SAP130: variants seen among roughly 807,000 people sequenced by gnomAD.
SAP130 encodes the protein histone deacetylase complex subunit SAP130.
A neutral mutation model predicts 103.2 loss-of-function variants in SAP130; 16 were observed. The observed-to-expected ratio is 0.16, with a 90% confidence interval of 0.10 to 0.24. SAP130 has a LOEUF of 0.24. Among genes scored for constraint, SAP130 ranks in the 10% least tolerant of loss-of-function variants. The probability of loss-of-function intolerance (pLI) is 1.00; values close to 1 mark genes in which losing one functional copy is unlikely to be tolerated. For synonymous variants in SAP130, 477 were observed against 497.0 expected (o/e 0.96, Z 0.53); for missense variants, 990 against 1,359.7 (o/e 0.73, Z 4.28).
intron 13 of SAP130, among the ~76,000 whole-genome samples, 155 bp from the exon 14 acceptor site, chr2:127,987,117 C>T (rs897542032): frequency 7.2e-5 from 11 of 152,180 alleles, no homozygotes; most frequent in African/African-American, 1.7e-4. Context: ...AATGTTCATC[C>T]GACAAAGAGC....
At chr2:127,970,700 A>G (rs1256339923) in intron 15 of SAP130, among the ~76,000 whole-genome samples, 1 of 151,870 alleles carries the variant, frequency 6.6e-6, no homozygotes, top group Non-Finnish European at 1.5e-5. Context: ...GTCTCCAAAC[A>G]AAACAAAACA....
At chr2:128,008,013 A>C (rs1573815222) in intron 7 of SAP130, among the ~76,000 whole-genome samples, 1 of 152,214 alleles carries the variant, frequency 6.6e-6, no homozygotes, top group East Asian at 1.9e-4. Flanking sequence ...ACAAGTAAGG[A>C]GGAAATCAAA....
intron 19 of SAP130, among the ~76,000 whole-genome samples, chr2:127,944,958 C>T (rs185471959): frequency 4.9e-4 from 73 of 150,368 alleles, no homozygotes; most frequent in Non-Finnish European, 9.0e-4. Flanking sequence ...GCCCCGGTCT[C>T]TGAATGATGA....
chr2:127,945,704 G>A, intron 18 of SAP130, 145 bp from the exon 19 acceptor site: 1 of 610,280 alleles, frequency 1.6e-6, no homozygotes, highest in East Asian at 2.8e-5. Context: ...CCAGGCTGAA[G>A]TGCAGTGGTA....
In SAP130 at chr2:127,942,944, C is replaced by T. The variant is rs550587714; in HGVS notation, c.2902-407G>A. ...CAGAGGTTGCAGTGAGCTGAGATCC[C>T]GCCATTGCACTCCAGCCTGGGCAAC... On this transcript the variant is annotated intron_variant, in intron 19 of 20. Transcript: ENST00000643581. The surrounding 1 kb of genome is among the most constrained non-coding windows in gnomAD (Gnocchi z 4.8). Among the ~76,000 whole-genome samples the T allele has an allele frequency of 2.0e-5, 3 of 152,100 alleles. No individual in the cohort carries two copies. Among genetic ancestry groups the T allele is most frequent in the Non-Finnish European group, 4.4e-5 (3 of 67,988 alleles).
chr2:127,994,122 T>C (rs1265382988), intron 11 of SAP130, among the ~76,000 whole-genome samples: 2 of 152,154 alleles, frequency 1.3e-5, no homozygotes, highest in African/African-American at 4.8e-5. Flanking sequence ...AACATCAAAA[T>C]GTCTATTCAT....
intron 14 of SAP130, among the ~76,000 whole-genome samples, chr2:127,979,189 G>A (rs1042283447): frequency 6.6e-6 from 1 of 152,224 alleles, no homozygotes; most frequent in African/African-American, 2.4e-5. Context: ...GACGACGGAG[G>A]CAGAGATTGG....
intron 14 of SAP130, among the ~76,000 whole-genome samples, chr2:127,980,983 T>G (rs909339691): frequency 6.6e-5 from 10 of 151,942 alleles, no homozygotes; most frequent in Non-Finnish European, 1.2e-4. Context: ...CACAAAAAAA[T>G]GCACATCATA....
chr2:127,969,178 G>T lies in SAP130; in HGVS notation c.2063+8807C>A, dbSNP rs531818900. 2.0e-5 allele frequency among the ~76,000 whole-genome samples: 3 copies of T among 152,144 alleles called. No individual in the cohort carries two copies. In the South Asian group the frequency reaches 6.2e-4, roughly 32 times the overall value. On this transcript the variant is annotated intron_variant, in intron 15 of 20. Transcript: ENST00000643581. ...GGGGTGGAGGTTGGCGGGGGGAGAG[G>T]GAGACATGAAACAGCACACCATTCT...
At chr2:127,995,440 A>C (rs1683107914) in intron 11 of SAP130, among the ~76,000 whole-genome samples, 1 of 152,242 alleles carries the variant, frequency 6.6e-6, no homozygotes, top group Non-Finnish European at 1.5e-5. Flanking sequence ...AGATGACAGC[A>C]ATGGATTCTA....
intron 5 of SAP130, among the ~76,000 whole-genome samples, chr2:128,014,500 C>T (rs552088038): frequency 3.9e-5 from 6 of 152,256 alleles, no homozygotes; most frequent in African/African-American, 7.2e-5. Context: ...CCACACCTGG[C>T]TAATTTTTTG....
intron 1 of SAP130, chr2:128,027,199 G>A (rs991707669): frequency 3.3e-6 from 4 of 1,224,208 alleles, no homozygotes; most frequent in Non-Finnish European, 4.1e-6. Context: ...GGCGCGGGGA[G>A]GGATCGCGGC....
At chr2:127,954,948 G>T in intron 16 of SAP130, 38 bp downstream of exon 16, 4 of 1,437,710 alleles carry the variant, frequency 2.8e-6, no homozygotes, top group Non-Finnish European at 3.8e-6. Context: ...AGGGGAAGAG[G>T]CAATTGCCAA....
chr2:127,969,332 T>C (rs1017343475), intron 15 of SAP130, among the ~76,000 whole-genome samples: 1 of 152,216 alleles, frequency 6.6e-6, no homozygotes, highest in African/African-American at 2.4e-5. Context: ...AACACTCACC[T>C]CATAAAATTC....
chr2:128,010,951 G>GAAA (rs35508983), intron 6 of SAP130, among the ~76,000 whole-genome samples: 7 of 130,562 alleles, frequency 5.4e-5, no homozygotes, highest in African/African-American at 1.4e-4. Context: ...CAAGTGTTTT[G>GAAA]AAAAAAAAAA....
rs1234475281 is a variant in SAP130 at position 127,990,099 on chromosome 2, G to A, written c.1478-233C>T. Among the ~76,000 whole-genome samples the A allele has an allele frequency of 2.6e-5, 4 of 152,040 alleles. No individual in the cohort carries two copies. In the South Asian group the frequency reaches 8.3e-4, roughly 32 times the overall value. ...TTTTTCTACAGACTACTAGAAATATGATTAAAACAAGAAAAAAGGCAATCA... is the reference window on the plus strand; with the variant it reads ...TTTTTCTACAGACTACTAGAAATATAATTAAAACAAGAAAAAAGGCAATCA... On this transcript the variant is annotated intron_variant, in intron 12 of 20. Coordinates refer to ENST00000643581, the MANE Select transcript of SAP130 (RefSeq NM_001330301.2).
At position 127,944,901 on chromosome 2, in the gene SAP130, C is replaced by CAA. The variant is rs1188253573; in HGVS notation, c.2901+553_2901+554dup. On this transcript the variant is annotated intron_variant, in intron 19 of 20. Transcript: ENST00000643581. Reference sequence around the variant, plus strand: ...TGGGTAACAGAGCAAGACCTTGTCTCAAAAAAAAAAAAAAAAAAAAAAAGA... The same window carrying CAA: ...TGGGTAACAGAGCAAGACCTTGTCTCAAAAAAAAAAAAAAAAAAAAAAAAAGA... 3.1e-3 allele frequency among the ~76,000 whole-genome samples: 241 copies of CAA among 77,168 alleles called. 1 individual carries two copies. Among genetic ancestry groups the CAA allele is most frequent in the Middle Eastern group, 6.6e-3 (1 of 152 alleles). 50.6% of individuals were successfully genotyped at this position (77,168 alleles called of 152,430 possible). A position where few individuals can be genotyped will look rare whatever the true frequency, so the allele number is the denominator to read the frequency against.
intron 14 of SAP130, among the ~76,000 whole-genome samples, chr2:127,980,111 T>G (rs903527039): frequency 3.9e-5 from 6 of 152,046 alleles, no homozygotes; most frequent in African/African-American, 1.5e-4. Context: ...TCTCCTGACC[T>G]CAGATGATCT....
Position 128,009,679 on chromosome 2 carries a change from T to C in SAP130, c.869+590A>G, listed in dbSNP as rs148188071. Among the ~76,000 whole-genome samples the C allele has an allele frequency of 1.3e-3, 202 of 152,246 alleles. 1 individual carries two copies. The highest frequency in any genetic ancestry group is 3.3e-3 in the Admixed American group (50 of 15,274). On this transcript the variant is annotated intron_variant, in intron 7 of 20. Transcript: ENST00000643581. ...AAAACTCCACTAAGGCTTTCCATCATGCCCCAGCCGAGTCCATGTCCTTAG... is the reference window on the plus strand; with the variant it reads ...AAAACTCCACTAAGGCTTTCCATCACGCCCCAGCCGAGTCCATGTCCTTAG...
Sources: gnomAD v4.1 joint callset for allele counts (sites outside exome capture counted in the v4.1 genomes callset) on GRCh38, gnomAD v4.1.1 for gene constraint, Gnocchi (gnomAD v3.1) non-coding constraint, MANE v1.5 for transcripts, NCBI Gene and HGNC (gene_info 2026-07-23, HGNC 2026-07-21) for gene names.